Variants in ZNF862 observed in about 807,000 individuals in gnomAD.
The protein encoded by ZNF862 is zinc finger protein 862.
A neutral mutation model predicts 91.1 loss-of-function variants in ZNF862; 64 were observed. The observed-to-expected ratio is 0.70, with a 90% CI of 0.57 to 0.87. The LOEUF (loss-of-function observed/expected upper bound fraction) is 0.87. Among genes scored for constraint, ZNF862 ranks in the 40% least tolerant of loss-of-function variants. The pLI is 0.00. For synonymous variants in ZNF862, 631 were observed against 618.1 expected, an observed-to-expected ratio of 1.02 and a Z score of -0.31; for missense variants, 1,459 against 1,528.0, an observed-to-expected ratio of 0.95 and a Z score of 0.75.
At position 149,848,092 on chromosome 7, in the gene ZNF862, T is replaced by C. The variant is rs550278798; in HGVS notation, c.599T>C (p.Met200Thr). Residue 200 changes from methionine (M) to threonine (T), a missense_variant, in exon 4 of 8, where the codon ATG becomes ACG. Met to Thr is a moderately conservative substitution (Grantham distance 81, BLOSUM62 -1). Transcript: ENST00000223210. ...LKYHAKSKAH[M>T]FCVNALAARD... Reference sequence around the variant, plus strand: ...TACCACGCGAAGAGCAAGGCCCACATGTTCTGTGTCAATGCCTTGGCAGCG... The same window carrying C: ...TACCACGCGAAGAGCAAGGCCCACACGTTCTGTGTCAATGCCTTGGCAGCG... 8.1e-6 allele frequency: 13 copies of C among 1,614,042 alleles called. No homozygotes were observed. The highest frequency in any genetic ancestry group is 7.7e-5 in the South Asian group (7 of 91,084).
rs1404152256 is a variant in ZNF862 at position 149,862,051 on chromosome 7, T to C, written c.2891T>C (p.Phe964Ser). 2 of 1,613,682 alleles carry C rather than the reference T, an allele frequency of 1.2e-6. No individual in the cohort carries two copies. The highest frequency in any genetic ancestry group is 1.7e-6 in the Non-Finnish European group (2 of 1,179,882). ...CCAAGTGGGATTGAACTTGCCAGTT[T>C]TGGGAATGATGACATTCTCAACCTG... ...AWPSGIELAS[F>S]GNDDILNLAR... is the part of the protein sequence containing the mutation. Residue 964 changes from phenylalanine to serine, a missense_variant, in exon 7 of 8, where the codon TTT (phenylalanine) becomes TCT (serine). By Grantham distance (155) the Phe-to-Ser change is radical (BLOSUM62 -2). Coordinates refer to ENST00000223210, the MANE Select transcript of ZNF862 (RefSeq NM_001099220.3).
chr7:149,848,497 T>G, intron 4 of ZNF862, 65 bp downstream of exon 4: 1 of 1,287,754 alleles, frequency 7.8e-7, no homozygotes, highest in South Asian at 1.7e-5. Context: ...ACGATGTATA[T>G]CCATGCTGAT....
At chr7:149,839,458 T>G (rs1428153898) in intron 1 of ZNF862, among the ~76,000 whole-genome samples, 2 of 152,186 alleles carry the variant, frequency 1.3e-5, no homozygotes, top group Admixed American at 1.3e-4. Context: ...TTAATAAACA[T>G]TTGTGATCTG....
Position 149,866,998 on chromosome 7 carries a change from C to T in ZNF862, c.*2714C>T, listed in dbSNP as rs1282096107. The stretch of plus-strand genomic sequence containing the variant: ...TGGGAGGGGAAGAAGCATGCACTCC[C>T]GCTTTGGCTGGAGTCCCAGCGCTTG... On this transcript the variant is annotated 3_prime_UTR_variant, in exon 8 of 8. Transcript: ENST00000223210. 1 of 152,176 alleles carries T rather than the reference C, an allele frequency of 6.6e-6. No individual in the cohort carries two copies. The highest frequency in any genetic ancestry group is 2.1e-4 in the South Asian group (1 of 4,826). 9.4% of individuals were successfully genotyped at this position (152,176 alleles called of 1,614,324 possible).
At position 149,848,038 on chromosome 7, in the gene ZNF862, C is replaced by T. The variant is rs754437365; in HGVS notation, c.545C>T (p.Thr182Ile). The change falls in exon 4 of 8, where the codon ACA becomes ATA. Residue 182 changes from threonine (T) to isoleucine (I), a missense_variant. Physicochemically the swap from Thr to Ile is moderately conservative, Grantham distance 89. Transcript: ENST00000223210. ...DKRSRLIEGYTGPFKVETLKY... is the reference protein window; with the variant it reads ...DKRSRLIEGYIGPFKVETLKY... ...CGGTCAAGACTAATAGAAGGTTATA[C>T]AGGACCATTCAAGGTGGAGACTCTC... is the stretch of plus-strand genomic sequence containing the variant. 3.7e-6 allele frequency: 6 copies of T among 1,613,960 alleles called. No homozygotes were observed. The South Asian group carries it at 6.6e-5, about 18-fold the overall frequency.
intron 3 of ZNF862, 144 bp from the exon 4 acceptor site, chr7:149,847,591 A>AGG (rs1554447104): frequency 3.5e-6 from 2 of 565,608 alleles, no homozygotes; most frequent in Non-Finnish European, 5.8e-6. Context: ...AAGAAAATTC[A>AGG]GGTGTGTGTG....
At chr7:149,857,999 C>G (rs2128940452) in intron 5 of ZNF862, among the ~76,000 whole-genome samples, 1 of 152,276 alleles carries the variant, frequency 6.6e-6, no homozygotes, top group South Asian at 2.1e-4. Flanking sequence ...GGCCAAACCT[C>G]TGTTCTCCTC....
rs772032040 is a variant in ZNF862, at chr7:149,861,999, A to T, written c.2839A>T (p.Met947Leu). Reference sequence around the variant, plus strand: ...AGACCGACCCCCACAGCTGAAGAACATGGAGGTGTTTGACACCATGGCCTG... The same window carrying T: ...AGACCGACCCCCACAGCTGAAGAACTTGGAGGTGTTTGACACCATGGCCTG... ...DADRPPQLKNMEVFDTMAWPS... is the reference protein window; with the variant it reads ...DADRPPQLKNLEVFDTMAWPS... The change falls in exon 7 of 8, where the codon ATG (methionine) becomes TTG (leucine). Residue 947 changes from methionine (M) to leucine (L), a missense_variant. Met to Leu is a conservative substitution (Grantham distance 15, BLOSUM62 2). Coordinates refer to ENST00000223210, the MANE Select transcript of ZNF862 (RefSeq NM_001099220.3). This position sits in a 1 kb window ranked among gnomAD's most constrained non-coding sequence, Gnocchi z 6.7. The T allele has an allele frequency of 2.5e-6, 4 of 1,613,880 alleles. No homozygotes were observed. In the East Asian group the frequency reaches 8.9e-5, roughly 36 times the overall value.
chr7:149,861,735 CAGA>C lies in ZNF862; in HGVS notation c.2578_2580del (p.Lys860del), dbSNP rs1802511924. 11 of 1,613,446 alleles carry C rather than the reference CAGA, an allele frequency of 6.8e-6. No homozygotes were observed. The highest frequency in any genetic ancestry group is 3.3e-5 in the Admixed American group (2 of 59,976). ...CTACAGGCCTCTGTCCGAGGTGTGCCAGAAGGAGATCGTGCTGATTACAGAGGT... is the reference window on the plus strand; with the variant it reads ...CTACAGGCCTCTGTCCGAGGTGTGCCAGGAGATCGTGCTGATTACAGAGGT... On this transcript the variant is annotated inframe_deletion, in exon 7 of 8. Transcript: ENST00000223210. The surrounding 1 kb of genome is among the most constrained non-coding windows in gnomAD (Gnocchi z 6.7).
chr7:149,853,507 A>G (rs987895152), intron 5 of ZNF862, among the ~76,000 whole-genome samples: 1 of 152,254 alleles, frequency 6.6e-6, no homozygotes, highest in African/African-American at 2.4e-5. Flanking sequence ...TCAGAGAGGT[A>G]CCATCAGGGT....
intron 5 of ZNF862, chr7:149,851,443 G>A (rs145787762): frequency 6.6e-6 from 1 of 152,352 alleles, no homozygotes; most frequent in East Asian, 1.9e-4. Flanking sequence ...CCTAGGTTAG[G>A]TGTATCCCCT....
At chr7:149,857,598 G>A (rs77726682) in intron 5 of ZNF862, among the ~76,000 whole-genome samples, 5 of 151,862 alleles carry the variant, frequency 3.3e-5, no homozygotes, top group African/African-American at 1.2e-4. Flanking sequence ...ATTATCTCTC[G>A]GTTCATTCCT....
chr7:149,844,857 C>A, intron 2 of ZNF862, 121 bp downstream of exon 2: 1 of 667,200 alleles, frequency 1.5e-6, no homozygotes, highest in Non-Finnish European at 2.7e-6. Flanking sequence ...GGCATCTTTA[C>A]TCCACCTGTC....
rs1802462871 is a variant in ZNF862 at position 149,861,049 on chromosome 7, G to A, written c.1889G>A (p.Ser630Asn). The A allele has an allele frequency of 6.2e-7, 1 of 1,612,792 alleles. No homozygotes were observed. Among genetic ancestry groups the A allele is most frequent in the Non-Finnish European group, 8.5e-7 (1 of 1,179,694 alleles). Residue 630 changes from serine to asparagine, a missense_variant, in exon 7 of 8, where the codon AGC becomes AAC. Physicochemically the swap from Ser to Asn is conservative, Grantham distance 46. Coordinates refer to ENST00000223210, the MANE Select transcript of ZNF862 (RefSeq NM_001099220.3). The surrounding 1 kb of genome is among the most constrained non-coding windows in gnomAD (Gnocchi z 6.7). ...NSPCVSVLLD[S>N]STDASEQACV... ...CCCTGTGTGAGCGTGCTGCTGGACA[G>A]CTCCACCGACGCCTCCGAGCAGGCC...
At chr7:149,845,844 A>G (rs1323610874) in intron 2 of ZNF862, among the ~76,000 whole-genome samples, 2 of 151,970 alleles carry the variant, frequency 1.3e-5, no homozygotes, top group Admixed American at 6.5e-5. Context: ...TTCTTCTGTT[A>G]TATTACCAGG....
At chr7:149,840,279 A>G (rs1563114367) in intron 1 of ZNF862, among the ~76,000 whole-genome samples, 1 of 151,488 alleles carries the variant, frequency 6.6e-6, no homozygotes, top group East Asian at 1.9e-4. Flanking sequence ...TTGTTGATGG[A>G]ATGGTTTGCT....
intron 6 of ZNF862, 70 bp from the exon 7 acceptor site, chr7:149,860,313 G>C (rs377588944): frequency 7.2e-7 from 1 of 1,382,810 alleles, no homozygotes. Context: ...AAATTTGGGG[G>C]TGTCTTAGCT....
At chr7:149,848,590 A>G (rs1344538963) in intron 4 of ZNF862, among the ~76,000 whole-genome samples, 158 bp downstream of exon 4, 1 of 152,194 alleles carries the variant, frequency 6.6e-6, no homozygotes, top group Non-Finnish European at 1.5e-5. Context: ...TGGACTAGGC[A>G]TTGTTTTAGA....
At chr7:149,864,029 A>G in intron 7 of ZNF862, 80 bp from the exon 8 acceptor site, 1 of 1,457,002 alleles carries the variant, frequency 6.9e-7, no homozygotes, top group South Asian at 1.4e-5. Context: ...TTTCCTCACC[A>G]AACAGCCCCT....
Sources: allele counts gnomAD v4.1 joint callset (sites outside exome capture counted in the v4.1 genomes callset), GRCh38; gene constraint gnomAD v4.1.1; non-coding constraint Gnocchi (gnomAD v3.1); transcripts MANE v1.5; gene names NCBI Gene and HGNC (gene_info 2026-07-23, HGNC 2026-07-21).